Variants in HDAC9 observed in about 807,000 individuals in gnomAD.
HDAC9 encodes MEF-2 interacting transcription repressor (MITR) protein.
In HDAC9, 41 loss-of-function variants were observed where a neutral mutation model predicts 139.4. The observed-to-expected ratio is 0.29, with a 90% CI of 0.23 to 0.38. HDAC9 has a LOEUF of 0.38. Ranked by LOEUF, HDAC9 falls within the 10% of genes least tolerant of loss-of-function variation. HDAC9 has a pLI of 1.00. For synonymous variants in HDAC9, 517 were observed against 476.2 expected (o/e 1.09, Z -1.12); for missense variants, 1,147 against 1,297.0 (o/e 0.88, Z 1.78).
At chr7:18,976,748 T>C (rs1371954201) in intron 25 of HDAC9, among the ~76,000 whole-genome samples, 1 of 152,218 alleles carries the variant, frequency 6.6e-6, no homozygotes, top group African/African-American at 2.4e-5. Context: ...TACATAAATA[T>C]TGGTGATTTC....
intron 2 of HDAC9, among the ~76,000 whole-genome samples, chr7:18,218,646 A>G (rs2128173646): frequency 6.6e-6 from 1 of 152,212 alleles, no homozygotes; most frequent in East Asian, 1.9e-4. Context: ...GCTTAGGTCC[A>G]CCATTCAGTC....
chr7:18,564,539 T>C (rs964803410), intron 2 of HDAC9, among the ~76,000 whole-genome samples: 1 of 152,200 alleles, frequency 6.6e-6, no homozygotes, highest in East Asian at 1.9e-4. Flanking sequence ...GAAAAATAAG[T>C]GCGCAATTCT....
intron 1 of HDAC9, among the ~76,000 whole-genome samples, chr7:18,100,524 T>C (rs1782779025): frequency 6.6e-6 from 1 of 152,182 alleles, no homozygotes; most frequent in Admixed American, 6.5e-5. Flanking sequence ...TCTATTGCTG[T>C]GTCTTCAAGT....
chr7:18,993,384 G>A (rs1786160450), intron 25 of HDAC9, among the ~76,000 whole-genome samples: 2 of 152,166 alleles, frequency 1.3e-5, no homozygotes. Flanking sequence ...GACACTGACT[G>A]ACTGATTCAA....
At chr7:18,823,376 G>T (rs1433467510) in intron 17 of HDAC9, among the ~76,000 whole-genome samples, 1 of 152,144 alleles carries the variant, frequency 6.6e-6, no homozygotes, top group East Asian at 1.9e-4. Flanking sequence ...ATGATTGCTG[G>T]GCACCACGTA....
At chr7:18,166,402 C>T (rs1308487721) in intron 2 of HDAC9, among the ~76,000 whole-genome samples, 1 of 152,130 alleles carries the variant, frequency 6.6e-6, no homozygotes, top group Non-Finnish European at 1.5e-5. Context: ...TTCATTTTCT[C>T]GTATTCTATT....
rs756228501 is a variant in HDAC9 at position 18,648,694 on chromosome 7, A to G, written c.1467+11A>G. Reference sequence around the variant, plus strand: ...ATCCACATGAACAAAGTAAGCCTCCAAGCCAAGTCAAAATGTTCTAACCGC... The same window carrying G: ...ATCCACATGAACAAAGTAAGCCTCCGAGCCAAGTCAAAATGTTCTAACCGC... On this transcript the variant is annotated intron_variant, in intron 11 of 25. Coordinates refer to ENST00000686413, the MANE Select transcript of HDAC9 (RefSeq NM_178425.4). The G allele has an allele frequency of 5.6e-6, 9 of 1,601,532 alleles. No homozygotes were observed.
rs557380124 is a variant in HDAC9 at position 18,629,105 on chromosome 7, T to C, written c.665-245T>C. Among the ~76,000 whole-genome samples the C allele has an allele frequency of 6.6e-5, 10 of 152,264 alleles. No homozygotes were observed. In the East Asian group the frequency reaches 1.9e-3, roughly 29 times the overall value. ...AATAAGTAGAAAACTTATATTTTTG[T>C]TTACTTTTTACTTTCATATTTAGAG... On this transcript the variant is annotated intron_variant, in intron 6 of 25. Transcript: ENST00000686413.
intron 2 of HDAC9, among the ~76,000 whole-genome samples, chr7:18,269,865 A>C (rs1441131821): frequency 1.3e-5 from 2 of 151,976 alleles, no homozygotes; most frequent in Non-Finnish European, 2.9e-5. Flanking sequence ...GTGCCTTTTG[A>C]TTCTTATAAC....
intron 6 of HDAC9, among the ~76,000 whole-genome samples, chr7:18,627,311 T>C (rs1454074084): frequency 2.0e-5 from 3 of 152,218 alleles, no homozygotes; most frequent in Middle Eastern, 3.2e-3. Context: ...GGTTGCATTA[T>C]AAAATCATAT....
At chr7:18,605,949 G>A (rs1479558704) in intron 6 of HDAC9, among the ~76,000 whole-genome samples, 2 of 152,036 alleles carry the variant, frequency 1.3e-5, no homozygotes, top group Non-Finnish European at 2.9e-5. Context: ...GAAAGTGCTG[G>A]GATTACAGGT....
At chr7:18,118,726 C>T (rs544202783) in intron 1 of HDAC9, among the ~76,000 whole-genome samples, 6 of 152,134 alleles carry the variant, frequency 3.9e-5, no homozygotes, top group African/African-American at 1.4e-4. Context: ...GCCTTCAAAT[C>T]CTTGTCTATT....
At chr7:18,986,652 T>C (rs996056997) in intron 25 of HDAC9, among the ~76,000 whole-genome samples, 19 of 151,946 alleles carry the variant, frequency 1.3e-4, no homozygotes, top group Non-Finnish European at 2.6e-4. Flanking sequence ...ATCTGTAAAT[T>C]ACCTTGGGCA....
intron 22 of HDAC9, among the ~76,000 whole-genome samples, chr7:18,886,796 AAAT>A (rs1800195097): frequency 6.6e-6 from 1 of 152,218 alleles, no homozygotes; most frequent in Admixed American, 6.5e-5. Context: ...GACAAATTTT[AAAT>A]AATAGTTGAT....
intron 1 of HDAC9, among the ~76,000 whole-genome samples, chr7:18,416,599 C>T (rs1045162196): frequency 1.4e-4 from 22 of 151,962 alleles, no homozygotes; most frequent in East Asian, 3.9e-4. Context: ...AGGGCTGTTA[C>T]GGTTATTTAT....
chr7:18,183,048 T>C (rs963387777), intron 2 of HDAC9, among the ~76,000 whole-genome samples: 16 of 151,822 alleles, frequency 1.1e-4, no homozygotes, highest in South Asian at 2.1e-4. Flanking sequence ...CTCACTCTGT[T>C]GCCCGTGCTG....
At chr7:18,138,527 G>GAGGT in intron 1 of HDAC9, among the ~76,000 whole-genome samples, 1 of 142,668 alleles carries the variant, frequency 7.0e-6, no homozygotes, top group Non-Finnish European at 1.5e-5. Flanking sequence ...GAGAGAGAGA[G>GAGGT]GTGTGTGTGT....
chr7:18,477,492 A>G (rs1795206588), intron 1 of HDAC9, among the ~76,000 whole-genome samples: 1 of 152,184 alleles, frequency 6.6e-6, no homozygotes, highest in Non-Finnish European at 1.5e-5. Flanking sequence ...TATATTTGAG[A>G]TGGAGATAGT....
intron 22 of HDAC9, among the ~76,000 whole-genome samples, chr7:18,928,630 A>G (rs1435275964): frequency 1.3e-5 from 2 of 152,118 alleles, no homozygotes; most frequent in East Asian, 3.8e-4. Context: ...TACATTTTAA[A>G]TGATATTGTA....
Sources: allele counts gnomAD v4.1 joint callset (sites outside exome capture counted in the v4.1 genomes callset), GRCh38; gene constraint gnomAD v4.1.1; transcripts MANE v1.5; gene names NCBI Gene and HGNC (gene_info 2026-07-23, HGNC 2026-07-21).